VDAC1: variants seen among roughly 807,000 people sequenced by gnomAD.
The protein encoded by VDAC1 is non-selective voltage-gated ion channel VDAC1.
In VDAC1, 10 loss-of-function variants were observed where a neutral mutation model predicts 34.7. That is an observed-to-expected ratio of 0.29 (90% CI 0.18 to 0.49). The LOEUF (loss-of-function observed/expected upper bound fraction) is 0.49, where lower values mean the gene tolerates loss of function less well. Ranked by LOEUF, VDAC1 falls within the 20% of genes least tolerant of loss-of-function variation. VDAC1 has a pLI of 0.99. For missense variants in VDAC1, 230 were observed against 347.9 expected (o/e 0.66, Z 2.69); for synonymous variants, 130 against 136.0 (o/e 0.96, Z 0.30).
At chr5:134,069,457 T>G in the VDAC1 span, among the ~76,000 whole-genome samples, 2 of 151,776 alleles carry the variant, frequency 1.3e-5, no homozygotes, top group Non-Finnish European at 2.9e-5. Context: ...AGGTGAGGGG[T>G]CTCTCCCATA....
intron 5 of VDAC1, among the ~76,000 whole-genome samples, chr5:133,984,814 T>C (rs1316308822): frequency 6.6e-6 from 1 of 152,118 alleles, no homozygotes; most frequent in Admixed American, 6.5e-5. Flanking sequence ...TGCACACCTG[T>C]AGTCCCAGAC....
chr5:133,985,042 T>C (rs1311481036), intron 5 of VDAC1, among the ~76,000 whole-genome samples: 1 of 148,012 alleles, frequency 6.8e-6, no homozygotes, highest in Non-Finnish European at 1.5e-5. Context: ...CATGCACATG[T>C]CTTTACTCTA....
the VDAC1 span, among the ~76,000 whole-genome samples, chr5:134,108,746 G>A: frequency 6.6e-6 from 1 of 152,252 alleles, no homozygotes; most frequent in East Asian, 1.9e-4. Flanking sequence ...ACTGAGACAT[G>A]AAAAGGTGCC....
the VDAC1 span, among the ~76,000 whole-genome samples, chr5:134,033,674 GAA>G: frequency 2.3e-5 from 3 of 132,488 alleles, no homozygotes; most frequent in Non-Finnish European, 1.6e-5. Context: ...GCCCAAAATG[GAA>G]AAAAAAAAAA....
intron 8 of VDAC1, among the ~76,000 whole-genome samples, chr5:133,973,495 T>G (rs972264907): frequency 1.3e-5 from 2 of 152,198 alleles, no homozygotes; most frequent in African/African-American, 4.8e-5. Flanking sequence ...TTTGAGAATC[T>G]GCCAGAAATA....
At chr5:134,002,544 G>T (rs1427280078) in intron 1 of VDAC1, among the ~76,000 whole-genome samples, 2 of 152,168 alleles carry the variant, frequency 1.3e-5, no homozygotes, top group Non-Finnish European at 2.9e-5. Flanking sequence ...GAAAACCAGA[G>T]AATGAAGACG....
At chr5:133,986,748 G>A (rs2126952193) in intron 5 of VDAC1, among the ~76,000 whole-genome samples, 1 of 152,256 alleles carries the variant, frequency 6.6e-6, no homozygotes, top group South Asian at 2.1e-4. Flanking sequence ...TGGAGAAATG[G>A]CAGATAGCAG....
the VDAC1 span, among the ~76,000 whole-genome samples, chr5:134,056,241 CAAAAAAAA>C: frequency 8.1e-5 from 9 of 111,196 alleles, no homozygotes; most frequent in Admixed American, 1.9e-4. Context: ...AACTCCGTCT[CAAAAAAAA>C]AAAAAAAAAA....
chr5:133,980,555 A>G (rs1164282410), intron 6 of VDAC1, among the ~76,000 whole-genome samples, 174 bp downstream of exon 6: 1 of 152,056 alleles, frequency 6.6e-6, no homozygotes, highest in African/African-American at 2.4e-5. Context: ...GTAGGTGGGA[A>G]ACAAAAGATA....
chr5:134,034,843 T>C, the VDAC1 span, among the ~76,000 whole-genome samples: 23 of 151,624 alleles, frequency 1.5e-4, no homozygotes, highest in African/African-American at 5.6e-4. Flanking sequence ...ATGAACCCTG[T>C]GGTGTTGAAT....
At chr5:134,018,567 T>G in the VDAC1 span, among the ~76,000 whole-genome samples, 1 of 152,190 alleles carries the variant, frequency 6.6e-6, no homozygotes, top group Non-Finnish European at 1.5e-5. Context: ...CTGTTTAGTC[T>G]GCCTGTGGAG....
chr5:134,009,184 G>C (rs1187579882), upstream of VDAC1, among the ~76,000 whole-genome samples: 2 of 150,490 alleles, frequency 1.3e-5, no homozygotes, highest in Non-Finnish European at 3.0e-5. Context: ...TATACACAGA[G>C]AGACAAATAT....
the VDAC1 span, among the ~76,000 whole-genome samples, chr5:134,080,957 A>G: frequency 6.6e-6 from 1 of 151,632 alleles, no homozygotes; most frequent in Non-Finnish European, 1.5e-5. Flanking sequence ...GTTCACTGCA[A>G]CCTCCACCTC....
the VDAC1 span, among the ~76,000 whole-genome samples, chr5:134,075,860 C>G: frequency 6.6e-6 from 1 of 152,140 alleles, no homozygotes; most frequent in Admixed American, 6.5e-5. Flanking sequence ...GCTGGGATTA[C>G]ACGCGTGAGC....
intron 5 of VDAC1, 156 bp from the exon 6 acceptor site, chr5:133,981,112 G>A (rs1752679932): frequency 3.2e-6 from 2 of 627,294 alleles, no homozygotes; most frequent in Non-Finnish European, 5.6e-6. Flanking sequence ...GTACCACAAT[G>A]AGCAGGACAC....
At chr5:134,114,462 C>T in the VDAC1 span, among the ~76,000 whole-genome samples, 16 of 152,210 alleles carry the variant, frequency 1.1e-4, 1 homozygote, top group East Asian at 2.9e-3. Context: ...GGTGAGTAAG[C>T]GGGGTCAGGA....
At chr5:134,026,346 T>A in the VDAC1 span, among the ~76,000 whole-genome samples, 1 of 151,900 alleles carries the variant, frequency 6.6e-6, no homozygotes, top group Non-Finnish European at 1.5e-5. Context: ...AAACCCTGTC[T>A]CTACTGAAAA....
the VDAC1 span, among the ~76,000 whole-genome samples, chr5:134,053,265 TG>T: frequency 6.6e-6 from 1 of 152,046 alleles, no homozygotes; most frequent in Non-Finnish European, 1.5e-5. Context: ...AAGCATGGAG[TG>T]GCCATGCCAC....
intron 6 of VDAC1, 192 bp from the exon 7 acceptor site, chr5:133,976,213 A>T (rs1561581151): frequency 1.6e-6 from 1 of 627,706 alleles, no homozygotes; most frequent in Non-Finnish European, 2.7e-6. Context: ...ATAAGTATGG[A>T]ACAGGCACCT....
Sources: gnomAD v4.1 joint callset for allele counts (sites outside exome capture counted in the v4.1 genomes callset) on GRCh38, gnomAD v4.1.1 for gene constraint, MANE v1.5 for transcripts, NCBI Gene and HGNC (gene_info 2026-07-23, HGNC 2026-07-21) for gene names.